DENND2B: variants seen among roughly 807,000 people sequenced by gnomAD.
The protein encoded by DENND2B is DENN domain containing 2B.
Under a neutral mutation model 116.0 loss-of-function variants are expected in DENND2B, and 32 were observed. The observed-to-expected ratio is 0.28, with a 90% CI of 0.21 to 0.37. The LOEUF (loss-of-function observed/expected upper bound fraction) is 0.37. DENND2B is among the 10% of genes least tolerant of loss of function. The pLI is 1.00. For synonymous variants in DENND2B, 588 were observed against 583.9 expected (o/e 1.01, Z -0.10); for missense variants, 1,276 against 1,477.7 (o/e 0.86, Z 2.24).
chr11:8,708,090 C>T (rs1337477994), intron 11 of DENND2B: 4 of 1,450,624 alleles, frequency 2.8e-6, no homozygotes, highest in Non-Finnish European at 3.6e-6. Flanking sequence ...TCCTGCCAGG[C>T]TCCACACAGG....
chr11:8,870,388 G>A (rs1264843839), intron 2 of DENND2B, among the ~76,000 whole-genome samples: 4 of 152,180 alleles, frequency 2.6e-5, no homozygotes, highest in Non-Finnish European at 5.9e-5. Context: ...GTGCGTGTCT[G>A]CACAAGGGCA....
intron 4 of DENND2B, among the ~76,000 whole-genome samples, chr11:8,838,387 T>C (rs780982310): frequency 3.9e-5 from 6 of 152,212 alleles, no homozygotes; most frequent in Non-Finnish European, 7.3e-5. Context: ...AATCCAATTC[T>C]CCGAACTCAC....
intron 2 of DENND2B, among the ~76,000 whole-genome samples, chr11:8,867,541 T>C (rs576882918): frequency 1.3e-5 from 2 of 151,846 alleles, no homozygotes; most frequent in Non-Finnish European, 2.9e-5. Context: ...AAATTCACTT[T>C]TACCTTACTA....
chr11:8,880,929 C>T (rs772918824), intron 2 of DENND2B: 5 of 152,086 alleles, frequency 3.3e-5, no homozygotes, highest in Non-Finnish European at 7.3e-5. Flanking sequence ...TTTCCCTTAC[C>T]ATGTCCAAAT....
chr11:8,888,260 C>T (rs1352167665), intron 1 of DENND2B, among the ~76,000 whole-genome samples: 2 of 152,166 alleles, frequency 1.3e-5, no homozygotes, highest in Non-Finnish European at 2.9e-5. Flanking sequence ...AAACAGCTTG[C>T]TGGAGCCAGG....
intron 15 of DENND2B, 27 bp from the exon 16 acceptor site, chr11:8,699,001 G>A: frequency 6.2e-7 from 1 of 1,613,712 alleles, no homozygotes; most frequent in Non-Finnish European, 8.5e-7. Flanking sequence ...TTAGCAGAGT[G>A]GCTCAGGGCA....
chr11:8,707,651 G>C lies in DENND2B; in HGVS notation c.2430+126C>G. On this transcript the variant is annotated intron_variant, in intron 12 of 19. Coordinates refer to ENST00000313726, the MANE Select transcript of DENND2B (RefSeq NM_213618.2). The surrounding 1 kb of genome is among the most constrained non-coding windows in gnomAD (Gnocchi z 4.8). ...GGTGTCAGAGAGCTCACTGGTACTT[G>C]TTCCTGCATTCTGTCTCCCGCTCGC... The C allele has an allele frequency of 2.2e-6, 2 of 912,294 alleles. No homozygotes were observed. Among genetic ancestry groups the C allele is most frequent in the Non-Finnish European group, 3.3e-6 (2 of 599,794 alleles). The allele number at this position is 912,294 out of a possible 1,614,324, so 56.5% of individuals were successfully genotyped here. A position where few individuals can be genotyped will look rare whatever the true frequency, so the allele number is the denominator to read the frequency against.
chr11:8,851,137 C>G (rs1325135742), intron 3 of DENND2B, among the ~76,000 whole-genome samples: 6 of 152,038 alleles, frequency 3.9e-5, no homozygotes, highest in African/African-American at 1.2e-4. Flanking sequence ...TAGTTAATAA[C>G]AATACATCAC....
At chr11:8,831,322 C>G (rs2062196094) in intron 4 of DENND2B, among the ~76,000 whole-genome samples, 1 of 152,202 alleles carries the variant, frequency 6.6e-6, no homozygotes, top group African/African-American at 2.4e-5. Context: ...CCAAGGTACT[C>G]AGCAATGCAA....
chr11:8,736,584 T>G (rs1417467119), intron 2 of DENND2B, among the ~76,000 whole-genome samples: 3 of 151,420 alleles, frequency 2.0e-5, no homozygotes, highest in Admixed American at 6.6e-5. Flanking sequence ...CATAGGGAGG[T>G]CAGGGAAGCC....
At chr11:8,750,427 G>T (rs1398544124) in intron 2 of DENND2B, among the ~76,000 whole-genome samples, 194 bp downstream of exon 2, 1 of 152,152 alleles carries the variant, frequency 6.6e-6, no homozygotes. Flanking sequence ...CTTGTTTTAG[G>T]GTTACTGTTT....
chr11:8,863,891 A>C (rs1470564557), intron 2 of DENND2B, among the ~76,000 whole-genome samples: 1 of 152,138 alleles, frequency 6.6e-6, no homozygotes, highest in African/African-American at 2.4e-5. Flanking sequence ...CCAGTAGAAG[A>C]AGCCTTTTGG....
In DENND2B at chr11:8,861,819, T is replaced by G. The variant is rs142629658; in HGVS notation, c.-249-4383A>C. Reference sequence around the variant, plus strand: ...CAATGAGTGATTAAAAAATGTGGTATGTATACACCATGGAATACTACTCAG... The same window carrying G: ...CAATGAGTGATTAAAAAATGTGGTAGGTATACACCATGGAATACTACTCAG... On this transcript the variant is annotated intron_variant, in intron 2 of 6. Transcript: ENST00000524757. 1.1e-3 allele frequency among the ~76,000 whole-genome samples: 165 copies of G among 152,274 alleles called. 4 individuals are homozygous for G. In the East Asian group the frequency reaches 0.029, roughly 27 times the overall value.
chr11:8,814,728 A>C (rs1284089207), upstream of DENND2B, among the ~76,000 whole-genome samples: 2 of 152,184 alleles, frequency 1.3e-5, no homozygotes, highest in African/African-American at 4.8e-5. Context: ...ACGAACCTTG[A>C]CTATTTTGCT....
chr11:8,875,609 A>G (rs1210918052), upstream of DENND2B, among the ~76,000 whole-genome samples: 1 of 151,718 alleles, frequency 6.6e-6, no homozygotes, highest in African/African-American at 2.4e-5. Flanking sequence ...TCTCTATTCT[A>G]TAGAGATAGG....
At chr11:8,734,112 G>A (rs558502318) in intron 2 of DENND2B, among the ~76,000 whole-genome samples, 1 of 152,286 alleles carries the variant, frequency 6.6e-6, no homozygotes, top group East Asian at 1.9e-4. Context: ...ATAAAGATAA[G>A]GCCCTGCCCT....
chr11:8,858,028 T>C (rs2063256582), intron 2 of DENND2B, among the ~76,000 whole-genome samples: 1 of 152,226 alleles, frequency 6.6e-6, no homozygotes, highest in African/African-American at 2.4e-5. Flanking sequence ...ACACAGTGCA[T>C]TCATTCAACC....
intron 1 of DENND2B, among the ~76,000 whole-genome samples, chr11:8,769,558 T>A (rs985870426): frequency 1.3e-5 from 2 of 151,982 alleles, no homozygotes; most frequent in Non-Finnish European, 2.9e-5. Context: ...CTGCGCCTGG[T>A]CATAAAGCAA....
At chr11:8,875,954 T>C (rs940539538), upstream of DENND2B, among the ~76,000 whole-genome samples, 1 of 151,952 alleles carries the variant, frequency 6.6e-6, no homozygotes, top group African/African-American at 2.4e-5. Flanking sequence ...ATTCAATAAA[T>C]TACATGAGAT....
Sources: gnomAD v4.1 joint callset for allele counts (sites outside exome capture counted in the v4.1 genomes callset) on GRCh38, gnomAD v4.1.1 for gene constraint, Gnocchi (gnomAD v3.1) non-coding constraint, MANE v1.5 for transcripts, NCBI Gene and HGNC (gene_info 2026-07-23, HGNC 2026-07-21) for gene names.